CBL: variants seen among roughly 807,000 people sequenced by gnomAD.
The protein encoded by CBL is Cbl proto-oncogene.
In CBL, 45 loss-of-function variants were observed where a neutral mutation model predicts 96.9. The observed-to-expected ratio is 0.46, with a 90% CI of 0.37 to 0.60. CBL has a LOEUF of 0.60. Among genes scored for constraint, CBL ranks in the 20% least tolerant of loss-of-function variants. CBL has a pLI of 0.00. For synonymous variants in CBL, 420 were observed against 426.8 expected (o/e 0.98, Z 0.20); for missense variants, 1,024 against 1,143.5 (o/e 0.90, Z 1.51).
rs1355032643 is a variant in CBL, at chr11:119,306,198, G to C, written c.*6417G>C. 1 of 398,348 alleles carries C rather than the reference G, an allele frequency of 2.5e-6. No individual in the cohort carries two copies. Among genetic ancestry groups the C allele is most frequent in the African/African-American group, 2.1e-5 (1 of 48,628 alleles). 24.7% of individuals were successfully genotyped at this position (398,348 alleles called of 1,614,324 possible). A position where few individuals can be genotyped will look rare whatever the true frequency, so the allele number is the denominator to read the frequency against. On this transcript the variant is annotated 3_prime_UTR_variant, in exon 16 of 16. Coordinates refer to ENST00000264033, the MANE Select transcript of CBL (RefSeq NM_005188.4). ...CGGGTGGAAGGGCCGGCTGTTGACA[G>C]ACAGACTAAGCTGTGTGGTGCTCTT...
intron 1 of CBL, among the ~76,000 whole-genome samples, chr11:119,213,361 C>G (rs1200915373): frequency 6.6e-6 from 1 of 152,120 alleles, no homozygotes; most frequent in African/African-American, 2.4e-5. Flanking sequence ...TTGTCACACT[C>G]TAGGAGATTA....
At chr11:119,252,151 A>C (rs545411724) in intron 2 of CBL, among the ~76,000 whole-genome samples, 1 of 152,012 alleles carries the variant, frequency 6.6e-6, no homozygotes, top group African/African-American at 2.4e-5. Context: ...AAAAAAAAAA[A>C]CCTTTTGTTA....
chr11:119,277,971 GT>G (rs1949902204), intron 7 of CBL, 127 bp downstream of exon 7: 1 of 877,928 alleles, frequency 1.1e-6, no homozygotes, highest in Non-Finnish European at 1.9e-6. Flanking sequence ...TGTGTATGTG[GT>G]TTCACTTTAA....
chr11:119,216,784 C>A (rs1949364589), intron 1 of CBL, among the ~76,000 whole-genome samples: 1 of 152,148 alleles, frequency 6.6e-6, no homozygotes, highest in Non-Finnish European at 1.5e-5. Flanking sequence ...CTTTTACCCC[C>A]ATACCCCCAA....
At chr11:119,226,802 A>G (rs931870969) in intron 1 of CBL, among the ~76,000 whole-genome samples, 4 of 152,200 alleles carry the variant, frequency 2.6e-5, no homozygotes, top group Admixed American at 1.3e-4. Context: ...AATCTGGTCA[A>G]AGTACTAAAA....
Position 119,244,581 on chromosome 11 carries a change from A to ATT in CBL, c.443+11903_443+11904dup, listed in dbSNP as rs532837579. 2.0e-4 allele frequency among the ~76,000 whole-genome samples: 21 copies of ATT among 104,388 alleles called. 2 individuals carry two copies. Among genetic ancestry groups the ATT allele is most frequent in the South Asian group, 4.5e-4 (1 of 2,224 alleles). 68.5% of individuals were successfully genotyped at this position (104,388 alleles called of 152,430 possible). On this transcript the variant is annotated intron_variant, in intron 2 of 15. Transcript: ENST00000264033. ...AGGTGCATGCTACCATGCCCGGCTAATTTTTTTTTTTTTTTTTTGAGACGG... is the reference window on the plus strand; with the variant it reads ...AGGTGCATGCTACCATGCCCGGCTAATTTTTTTTTTTTTTTTTTTTGAGACGG...
At chr11:119,268,908 T>C (rs1380377041) in intron 2 of CBL, among the ~76,000 whole-genome samples, 1 of 152,220 alleles carries the variant, frequency 6.6e-6, no homozygotes, top group Non-Finnish European at 1.5e-5. Context: ...CCTGCTATAC[T>C]GTTCAGCGTA....
rs1434420300 is a variant in CBL at position 119,306,444 on chromosome 11, A to C, written c.*6663A>C. 1 of 397,388 alleles carries C rather than the reference A, an allele frequency of 2.5e-6. No individual in the cohort carries two copies. Among genetic ancestry groups the C allele is most frequent in the Non-Finnish European group, 4.4e-6 (1 of 225,916 alleles). 24.6% of individuals were successfully genotyped at this position (397,388 alleles called of 1,614,324 possible). ...TACATTCTCCTTCTGCCCCTAAATC[A>C]GACAGGAGGCCAGAGAGGAGTATTG... On this transcript the variant is annotated 3_prime_UTR_variant, in exon 16 of 16. Coordinates refer to ENST00000264033, the MANE Select transcript of CBL (RefSeq NM_005188.4).
At chr11:119,281,759 A>G (rs1232551744) in intron 9 of CBL, among the ~76,000 whole-genome samples, 1 of 152,054 alleles carries the variant, frequency 6.6e-6, no homozygotes, top group Non-Finnish European at 1.5e-5. Context: ...GGCCTCCCAC[A>G]GTGCTGGGAT....
At chr11:119,226,998 C>T (rs552230901) in intron 1 of CBL, among the ~76,000 whole-genome samples, 6 of 152,222 alleles carry the variant, frequency 3.9e-5, no homozygotes, top group Admixed American at 2.6e-4. Context: ...AACCACTTAC[C>T]ACTTTAAGAC....
At chr11:119,225,885 G>T (rs560964817) in intron 1 of CBL, among the ~76,000 whole-genome samples, 60 of 152,008 alleles carry the variant, frequency 3.9e-4, no homozygotes, top group African/African-American at 1.4e-3. Context: ...GTGCCACCAC[G>T]CTTGGCTAAT....
chr11:119,274,998 A>G, intron 5 of CBL, 45 bp downstream of exon 5: 1 of 1,521,212 alleles, frequency 6.6e-7, no homozygotes, highest in Non-Finnish European at 9.0e-7. Context: ...GAATTTCGTT[A>G]TCTTGAGACT....
Position 119,306,287 on chromosome 11 carries a change from G to C in CBL, c.*6506G>C. 2.5e-6 allele frequency: 1 copy of C among 398,636 alleles called. No individual in the cohort carries two copies. The highest frequency in any genetic ancestry group is 4.4e-6 in the Non-Finnish European group (1 of 226,080). The allele number at this position is 398,636 out of a possible 1,614,324, so 24.7% of individuals were successfully genotyped here. On this transcript the variant is annotated 3_prime_UTR_variant, in exon 16 of 16. Transcript: ENST00000264033. ...GCCGACCACTCCCTGTGTTTGTACA[G>C]AGCAAAGCCCAAAAGCCAACCTCAG...
At chr11:119,271,149 A>G (rs1385116788) in intron 2 of CBL, among the ~76,000 whole-genome samples, 3 of 152,224 alleles carry the variant, frequency 2.0e-5, no homozygotes, top group East Asian at 1.9e-4. Context: ...ATGATGATAA[A>G]TATACTTGAT....
intron 1 of CBL, among the ~76,000 whole-genome samples, chr11:119,215,676 A>C (rs751174373): frequency 1.6e-4 from 25 of 152,066 alleles, no homozygotes; most frequent in Non-Finnish European, 3.2e-4. Context: ...TCTCAAAAAA[A>C]AAAAGCCGAG....
At chr11:119,251,410 T>G (rs1018856509) in intron 2 of CBL, among the ~76,000 whole-genome samples, 8 of 152,340 alleles carry the variant, frequency 5.3e-5, no homozygotes, top group African/African-American at 1.9e-4. Flanking sequence ...CCCAAGGTTT[T>G]CAAAATGTTA....
In CBL at chr11:119,282,939, A is replaced by C. The variant is rs377279239; in HGVS notation, c.1432-2030A>C. 1.0e-2 allele frequency among the ~76,000 whole-genome samples: 1,418 copies of C among 142,510 alleles called. 18 individuals are homozygous for C. Among genetic ancestry groups the C allele is most frequent in the African/African-American group, 0.026 (1,012 of 39,454 alleles). 93.5% of individuals were successfully genotyped at this position (142,510 alleles called of 152,430 possible). A position where few individuals can be genotyped will look rare whatever the true frequency, so the allele number is the denominator to read the frequency against. ...TCTACCCGTGCCTTCCCCGCGCCCC[A>C]AAAAAAAAAAAGCCACATGTGGTGG... On this transcript the variant is annotated intron_variant, in intron 9 of 15. Coordinates refer to ENST00000264033, the MANE Select transcript of CBL (RefSeq NM_005188.4).
chr11:119,214,368 G>A (rs1469006120), intron 1 of CBL, among the ~76,000 whole-genome samples: 1 of 152,024 alleles, frequency 6.6e-6, no homozygotes, highest in African/African-American at 2.4e-5. Context: ...TAGTGCCTCA[G>A]CCTCCCAAGT....
chr11:119,271,607 A>G, intron 2 of CBL, 128 bp from the exon 3 acceptor site: 1 of 833,816 alleles, frequency 1.2e-6, no homozygotes, highest in Non-Finnish European at 2.0e-6. Flanking sequence ...CAGAAAGAAT[A>G]TTTGAAGAGG....
Sources: allele counts gnomAD v4.1 joint callset (sites outside exome capture counted in the v4.1 genomes callset), GRCh38; gene constraint gnomAD v4.1.1; transcripts MANE v1.5; gene names NCBI Gene and HGNC (gene_info 2026-07-23, HGNC 2026-07-21).